AP1M1: variants seen among roughly 807,000 people sequenced by gnomAD.
AP1M1 encodes adaptor related protein complex 1 subunit mu 1, also known as AP-1 complex subunit mu-1.
AP1M1 carries 18 observed loss-of-function variants against 57.1 expected under a neutral mutation model. That is an observed-to-expected ratio of 0.32 (90% confidence interval 0.22 to 0.47). The LOEUF is 0.47. Ranked by LOEUF, AP1M1 falls within the 20% of genes least tolerant of loss-of-function variation. The pLI is 1.00. For missense variants in AP1M1, 362 were observed against 593.5 expected, an observed-to-expected ratio of 0.61 and a Z score of 4.05; for synonymous variants, 241 against 237.9, an observed-to-expected ratio of 1.01 and a Z score of -0.12.
intron 1 of AP1M1, among the ~76,000 whole-genome samples, chr19:16,201,687 C>T (rs1038454510): frequency 6.6e-5 from 10 of 152,138 alleles, no homozygotes; most frequent in African/African-American, 1.7e-4. Context: ...CGTGAGCCAC[C>T]GCGCCCAGCT....
chr19:16,217,790 C>T (rs1385075582), intron 5 of AP1M1, among the ~76,000 whole-genome samples: 2 of 152,140 alleles, frequency 1.3e-5, no homozygotes, highest in Non-Finnish European at 2.9e-5. Flanking sequence ...TGGCTGTGCT[C>T]CACCACATAT....
rs776046996 is a variant in AP1M1 at position 16,234,948 on chromosome 19, G to A, written c.*513G>A. 3.1e-4 allele frequency: 50 copies of A among 160,800 alleles called. No homozygotes were observed. Among genetic ancestry groups the A allele is most frequent in the Non-Finnish European group, 4.5e-4 (33 of 73,242 alleles). The allele number at this position is 160,800 out of a possible 1,614,324, so 10.0% of individuals were successfully genotyped here. A position where few individuals can be genotyped will look rare whatever the true frequency, so the allele number is the denominator to read the frequency against. On this transcript the variant is annotated 3_prime_UTR_variant, in exon 12 of 12. Transcript: ENST00000291439. ...CTCACTGTCCCCATGTCCCACCCAC[G>A]TCCTACGGCACTCAGGAAGCACTTG...
rs1440809087 is a variant in AP1M1 at position 16,203,524 on chromosome 19, C to A, written c.108C>A (p.Ile36=). The change falls in exon 2 of 12, where the codon ATC becomes ATA. Residue 36 remains isoleucine (I), a synonymous_variant. Coordinates refer to ENST00000291439, the MANE Select transcript of AP1M1 (RefSeq NM_032493.4). This position sits in a 1 kb window ranked among gnomAD's most constrained non-coding sequence, Gnocchi z 4.6. ...CAGAGGTGGAGCACTTCATGCCCAT[C>A]CTGATGGAGAAGGAGGAGGAGGGGA... is the stretch of plus-strand genomic sequence containing the variant. ...DMSEVEHFMP[I]LMEKEEEGML... 4 of 1,614,182 alleles carry A rather than the reference C, an allele frequency of 2.5e-6. No homozygotes were observed. Among genetic ancestry groups the A allele is most frequent in the Admixed American group, 3.3e-5 (2 of 60,016 alleles).
Position 16,237,181 on chromosome 19 carries a change from C to T in AP1M1, c.*2746C>T, listed in dbSNP as rs2091628372. 1 of 152,238 alleles carries T rather than the reference C, an allele frequency of 6.6e-6. No individual in the cohort carries two copies. The highest frequency in any genetic ancestry group is 1.9e-4 in the East Asian group (1 of 5,194). 9.4% of individuals were successfully genotyped at this position (152,238 alleles called of 1,614,324 possible). A position where few individuals can be genotyped will look rare whatever the true frequency, so the allele number is the denominator to read the frequency against. ...AGGCGTGGTGGCTCACGCCCGTGAG[C>T]CCAATACTTTGGGAAGCCGAGGCAG... On this transcript the variant is annotated 3_prime_UTR_variant, in exon 12 of 12. Coordinates refer to ENST00000291439, the MANE Select transcript of AP1M1 (RefSeq NM_032493.4).
intron 6 of AP1M1, 100 bp downstream of exon 6, chr19:16,226,647 G>C: frequency 7.0e-7 from 1 of 1,423,270 alleles, no homozygotes; most frequent in Non-Finnish European, 9.3e-7. Context: ...GAACGAGCTG[G>C]TTTCAAGCAC....
chr19:16,215,736 C>T (rs996482736), intron 5 of AP1M1, among the ~76,000 whole-genome samples: 12 of 152,184 alleles, frequency 7.9e-5, no homozygotes, highest in Non-Finnish European at 1.8e-4. Context: ...GGGAAGTTCT[C>T]ATGGATAGTA....
chr19:16,216,440 G>A (rs971711568), intron 5 of AP1M1, among the ~76,000 whole-genome samples: 13 of 149,484 alleles, frequency 8.7e-5, no homozygotes, highest in African/African-American at 1.2e-4. Context: ...GCGAAACTCC[G>A]TCTCAAAAAA....
chr19:16,220,682 C>T (rs1028898996), intron 5 of AP1M1, among the ~76,000 whole-genome samples: 4 of 152,280 alleles, frequency 2.6e-5, no homozygotes, highest in East Asian at 3.9e-4. Context: ...TGAGCCACTG[C>T]GCCCAGCCCT....
At chr19:16,215,676 G>T (rs2091516509) in intron 5 of AP1M1, among the ~76,000 whole-genome samples, 1 of 151,778 alleles carries the variant, frequency 6.6e-6, no homozygotes, top group Non-Finnish European at 1.5e-5. Flanking sequence ...TATTTTGCAG[G>T]GGTTCTCTGC....
chr19:16,211,376 C>T (rs549216643), intron 5 of AP1M1, among the ~76,000 whole-genome samples: 8 of 152,020 alleles, frequency 5.3e-5, no homozygotes, highest in Non-Finnish European at 1.0e-4. Context: ...TTACAGGCGT[C>T]GGCCACCATG....
At position 16,234,407 on chromosome 19, in the gene AP1M1, T is replaced by A. The variant is rs1255909657; in HGVS notation, c.1250-6T>A. 1.2e-6 allele frequency: 2 copies of A among 1,613,720 alleles called. No individual in the cohort carries two copies. The highest frequency in any genetic ancestry group is 3.3e-5 in the Admixed American group (2 of 59,994). On this transcript the variant is annotated splice_polypyrimidine_tract_variant and splice_region_variant and intron_variant, in intron 11 of 11. Coordinates refer to ENST00000291439, the MANE Select transcript of AP1M1 (RefSeq NM_032493.4). ...CCCAGCATGACGCCTCCCTCCTGTC[T>A]CCTAGATTACCAGCTCCGGACCCAG...
chr19:16,240,585 G>A lies in AP1M1; in HGVS notation c.*6150G>A, dbSNP rs1396865765. ...ATATCTCAGCCTCCCAAGCAGCTGG[G>A]ATTACAGGTGCACACCACCACGCCC... On this transcript the variant is annotated 3_prime_UTR_variant, in exon 12 of 12. Coordinates refer to ENST00000291439, the MANE Select transcript of AP1M1 (RefSeq NM_032493.4). The A allele has an allele frequency of 6.6e-6, 1 of 152,018 alleles. No homozygotes were observed. The highest frequency in any genetic ancestry group is 1.5e-5 in the Non-Finnish European group (1 of 68,016). 9.4% of individuals were successfully genotyped at this position (152,018 alleles called of 1,614,324 possible). A position where few individuals can be genotyped will look rare whatever the true frequency, so the allele number is the denominator to read the frequency against.
At chr19:16,199,471 C>T (rs972282397) in intron 1 of AP1M1, among the ~76,000 whole-genome samples, 1 of 152,216 alleles carries the variant, frequency 6.6e-6, no homozygotes, top group Non-Finnish European at 1.5e-5. Flanking sequence ...ACCGGTCCAA[C>T]AATGTGAAGC....
At chr19:16,230,097 C>G (rs2091589577) in intron 9 of AP1M1, among the ~76,000 whole-genome samples, 1 of 152,228 alleles carries the variant, frequency 6.6e-6, no homozygotes, top group Admixed American at 6.5e-5. Context: ...GAGGAAGGGA[C>G]AGGGCTAAGG....
At position 16,203,611 on chromosome 19, in the gene AP1M1, G is replaced by A. The variant is rs1382300502; in HGVS notation, c.195G>A (p.Leu65=). 2 of 1,607,008 alleles carry A rather than the reference G, an allele frequency of 1.2e-6. No homozygotes were observed. The highest frequency in any genetic ancestry group is 1.1e-5 in the South Asian group (1 of 90,502). Residue 65 remains leucine (L), a synonymous_variant, in exon 2 of 12, where the codon CTG becomes CTA. Transcript: ENST00000291439. The surrounding 1 kb of genome is among the most constrained non-coding windows in gnomAD (Gnocchi z 4.6). ...TCATGTGGATCAAACACAACAACCT[G>A]TATCGTATCCCTTTGCTGGGGGTGC... is the stretch of plus-strand genomic sequence containing the variant. ...VRFMWIKHNN[L]YLVATSKKNA...
intron 5 of AP1M1, among the ~76,000 whole-genome samples, chr19:16,209,909 T>G (rs1261044119): frequency 3.3e-5 from 5 of 152,182 alleles, no homozygotes; most frequent in Non-Finnish European, 5.9e-5. Context: ...TTGTACAGAT[T>G]TGTGTACCCA....
At chr19:16,230,908 G>A (rs575835319) in intron 9 of AP1M1, among the ~76,000 whole-genome samples, 4 of 152,150 alleles carry the variant, frequency 2.6e-5, no homozygotes, top group Admixed American at 6.6e-5. Flanking sequence ...ATTCATCAGC[G>A]TATCAAGTTG....
Position 16,226,425 on chromosome 19 carries a change from G to C in AP1M1, c.551G>C (p.Ser184Thr). Residue 184 changes from serine (S) to threonine (T), a missense_variant, in exon 6 of 12, where the codon AGC (serine) becomes ACC (threonine). By Grantham distance (58) the Ser-to-Thr change is moderately conservative. Around this residue, in one of 2 missense-constraint regions of AP1M1, gnomAD observed 337 missense variants for 511.1 expected, o/e 0.66. Coordinates refer to ENST00000291439, the MANE Select transcript of AP1M1 (RefSeq NM_032493.4). Reference protein sequence around the residue: ...DVIESVNLLVSANGNVLRSEI... With the variant: ...DVIESVNLLVTANGNVLRSEI... ...CGCCCACACCGCCACCCCCAGGTCA[G>C]CGCCAACGGCAATGTCCTGCGCAGC... 1 of 1,538,488 alleles carries C rather than the reference G, an allele frequency of 6.5e-7. No individual in the cohort carries two copies. Among genetic ancestry groups the C allele is most frequent in the Non-Finnish European group, 8.8e-7 (1 of 1,140,372 alleles).
intron 1 of AP1M1, among the ~76,000 whole-genome samples, chr19:16,202,473 A>G (rs2091452780): frequency 6.6e-6 from 1 of 152,230 alleles, no homozygotes; most frequent in Non-Finnish European, 1.5e-5. Flanking sequence ...ATAACCACAC[A>G]TTCCATCGCC....
Sources: gnomAD v4.1 joint callset for allele counts (sites outside exome capture counted in the v4.1 genomes callset) on GRCh38, gnomAD v4.1.1 for gene constraint, gnomAD v4.1.1 regional missense constraint, Gnocchi (gnomAD v3.1) non-coding constraint, MANE v1.5 for transcripts, NCBI Gene and HGNC (gene_info 2026-07-23, HGNC 2026-07-21) for gene names.